The following SLC25A21 variants were observed in gnomAD, a reference collection of about 807,000 sequenced individuals.
The protein encoded by SLC25A21 is mitochondrial 2-oxodicarboxylate carrier.
A neutral mutation model predicts 43.8 loss-of-function variants in SLC25A21; 47 were observed. That is an observed-to-expected ratio of 1.07 (90% CI 0.85 to 1.37). The LOEUF is 1.37. SLC25A21 is among the 40% of genes most tolerant of loss of function. SLC25A21 has a pLI of 0.00. For synonymous variants in SLC25A21, 131 were observed against 121.3 expected, an observed-to-expected ratio of 1.08 and a Z score of -0.52; for missense variants, 352 against 350.2, an observed-to-expected ratio of 1.00 and a Z score of -0.04.
In SLC25A21 at chr14:37,007,340, C is replaced by T. The variant is rs148562673; in HGVS notation, c.71-132336G>A. ...AACTTTGGCCAGGTGCGGTGGCTCACGCCTGTAATCCCAGCACTTTGGGAG... is the reference window on the plus strand; with the variant it reads ...AACTTTGGCCAGGTGCGGTGGCTCATGCCTGTAATCCCAGCACTTTGGGAG... On this transcript the variant is annotated intron_variant, in intron 1 of 9. Transcript: ENST00000331299. Among the ~76,000 whole-genome samples the T allele has an allele frequency of 9.2e-5, 14 of 152,222 alleles. No individual in the cohort carries two copies. The East Asian group carries it at 1.2e-3, about 13-fold the overall frequency.
intron 1 of SLC25A21, among the ~76,000 whole-genome samples, chr14:36,913,264 T>TA (rs776607203): frequency 2.8e-4 from 42 of 152,078 alleles, no homozygotes; most frequent in Non-Finnish European, 5.6e-4. Context: ...TTCCTTAAAG[T>TA]AGAGGTAGAA....
chr14:36,733,113 A>G (rs1218416420), intron 4 of SLC25A21, among the ~76,000 whole-genome samples: 1 of 152,214 alleles, frequency 6.6e-6, no homozygotes, highest in Non-Finnish European at 1.5e-5. Flanking sequence ...TCCAACACAT[A>G]ATATTAAGAA....
chr14:37,055,916 T>TCCCCAGTGTTG (rs11269578), intron 1 of SLC25A21, among the ~76,000 whole-genome samples: 34,575 of 151,970 alleles, frequency 0.23, 4,543 homozygotes, highest in Non-Finnish European at 0.29. Context: ...TGAATTGTGA[T>TCCCCAGTGTTG]CCCCAGTGTT....
intron 1 of SLC25A21, among the ~76,000 whole-genome samples, chr14:37,011,087 T>A (rs1394853904): frequency 2.0e-5 from 3 of 152,068 alleles, no homozygotes; most frequent in Non-Finnish European, 4.4e-5. Flanking sequence ...GGGTTTCACC[T>A]TGTTGGCCAG....
chr14:36,870,644 T>C (rs1162564933), intron 2 of SLC25A21: 1 of 152,216 alleles, frequency 6.6e-6, no homozygotes, highest in Admixed American at 6.6e-5. Context: ...AAAGTCACCT[T>C]CTGAGGTTCT....
At chr14:36,687,185 T>A (rs1009173053) in intron 7 of SLC25A21, among the ~76,000 whole-genome samples, 1 of 152,208 alleles carries the variant, frequency 6.6e-6, no homozygotes, top group Non-Finnish European at 1.5e-5. Flanking sequence ...ACTCCTGACC[T>A]CAGGTGATTT....
intron 7 of SLC25A21, among the ~76,000 whole-genome samples, chr14:36,698,148 T>C (rs1004672849): frequency 6.6e-6 from 1 of 152,136 alleles, no homozygotes; most frequent in Non-Finnish European, 1.5e-5. Flanking sequence ...GTCTGTAAAG[T>C]ATTTTATTTC....
intron 1 of SLC25A21, among the ~76,000 whole-genome samples, chr14:36,981,728 A>G (rs1400236435): frequency 6.6e-6 from 1 of 152,196 alleles, no homozygotes; most frequent in Non-Finnish European, 1.5e-5. Flanking sequence ...TAGGAGATAT[A>G]GCTAATGTAA....
intron 1 of SLC25A21, among the ~76,000 whole-genome samples, chr14:36,959,715 T>C (rs1959440936): frequency 6.6e-6 from 1 of 152,228 alleles, no homozygotes; most frequent in Non-Finnish European, 1.5e-5. Flanking sequence ...CCACAATTCC[T>C]CTGCCAGTTC....
chr14:36,865,130 T>C (rs1890178075), intron 2 of SLC25A21, among the ~76,000 whole-genome samples: 2 of 151,954 alleles, frequency 1.3e-5, no homozygotes, highest in African/African-American at 4.8e-5. Flanking sequence ...AACCTCTAAA[T>C]TAACTGTTCA....
chr14:36,711,904 C>T (rs2139189814), intron 6 of SLC25A21, among the ~76,000 whole-genome samples: 1 of 152,286 alleles, frequency 6.6e-6, no homozygotes, highest in African/African-American at 2.4e-5. Context: ...ATTTACCTTT[C>T]TAATTATGTT....
chr14:36,808,694 TG>T (rs1363736478), intron 3 of SLC25A21, among the ~76,000 whole-genome samples: 1 of 152,162 alleles, frequency 6.6e-6, no homozygotes, highest in African/African-American at 2.4e-5. Context: ...ATACAAAACA[TG>T]GGCATGAGGA....
chr14:36,983,201 C>G (rs139463879), intron 1 of SLC25A21, among the ~76,000 whole-genome samples: 54 of 152,286 alleles, frequency 3.5e-4, no homozygotes, highest in Admixed American at 5.9e-4. Flanking sequence ...CATACACTTA[C>G]GAAGTGCATT....
chr14:36,855,331 C>T (rs538827735), intron 2 of SLC25A21, among the ~76,000 whole-genome samples: 9 of 151,720 alleles, frequency 5.9e-5, no homozygotes, highest in African/African-American at 2.2e-4. Context: ...CAGGGTCTCT[C>T]CTGAGGAGAA....
Position 36,680,349 on chromosome 14 carries a change from G to A in SLC25A21, c.*309C>T. 1 of 1,021,764 alleles carries A rather than the reference G, an allele frequency of 9.8e-7. No homozygotes were observed. The highest frequency in any genetic ancestry group is 1.7e-5 in the African/African-American group (1 of 58,712). The allele number at this position is 1,021,764 out of a possible 1,614,324, so 63.3% of individuals were successfully genotyped here. A position where few individuals can be genotyped will look rare whatever the true frequency, so the allele number is the denominator to read the frequency against. On this transcript the variant is annotated 3_prime_UTR_variant, in exon 10 of 10. Coordinates refer to ENST00000331299, the MANE Select transcript of SLC25A21 (RefSeq NM_030631.4). Reference sequence around the variant, plus strand: ...AATTTTCATTGTGAAGCATTGAAGAGGAACACAGGAGACAAAGTTTCTATT... The same window carrying A: ...AATTTTCATTGTGAAGCATTGAAGAAGAACACAGGAGACAAAGTTTCTATT...
At chr14:37,016,297 G>A (rs1328311302) in intron 1 of SLC25A21, among the ~76,000 whole-genome samples, 1 of 152,044 alleles carries the variant, frequency 6.6e-6, no homozygotes, top group Non-Finnish European at 1.5e-5. Flanking sequence ...TATTAAATAG[G>A]GAATCCTTTC....
intron 2 of SLC25A21, among the ~76,000 whole-genome samples, chr14:36,848,998 T>G (rs908171907): frequency 1.3e-5 from 2 of 152,192 alleles, no homozygotes; most frequent in African/African-American, 4.8e-5. Context: ...TTCCAGGATA[T>G]TCTCTTAATT....
chr14:36,999,440 G>A (rs1960439937), intron 1 of SLC25A21, among the ~76,000 whole-genome samples: 1 of 152,074 alleles, frequency 6.6e-6, no homozygotes, highest in Non-Finnish European at 1.5e-5. Flanking sequence ...TGTATGTTTG[G>A]ATACATAACA....
chr14:37,101,364 T>C (rs1962814293), intron 1 of SLC25A21, among the ~76,000 whole-genome samples: 1 of 152,232 alleles, frequency 6.6e-6, no homozygotes, highest in Non-Finnish European at 1.5e-5. Context: ...CCTTTGCAAG[T>C]CAGCCTATTC....
Sources: gnomAD v4.1 joint callset for allele counts (sites outside exome capture counted in the v4.1 genomes callset) on GRCh38, gnomAD v4.1.1 for gene constraint, MANE v1.5 for transcripts, NCBI Gene and HGNC (gene_info 2026-07-23, HGNC 2026-07-21) for gene names.